Variants in FUT8 observed in about 807,000 individuals in gnomAD.
FUT8 encodes alpha-(1,6)-fucosyltransferase.
In FUT8, 29 loss-of-function variants were observed where a neutral mutation model predicts 71.3. The ratio of observed to expected loss-of-function variants is 0.41; its 90% CI spans 0.30 to 0.55. The LOEUF (loss-of-function observed/expected upper bound fraction) is 0.55. FUT8 is among the 20% of genes least tolerant of loss of function. FUT8 has a pLI of 0.34. For missense variants in FUT8, 544 were observed against 702.1 expected (o/e 0.77, Z 2.55); for synonymous variants, 254 against 239.3 (o/e 1.06, Z -0.57).
In FUT8 at chr14:65,526,873, G is replaced by T. The variant is rs1594738925; in HGVS notation, c.-227-34464G>T. ...CTGGGTTGAAAATTCTTTTCTTTAA[G>T]AATTTTGAATATTGGCCCCCACTCT... On this transcript the variant is annotated intron_variant, in intron 2 of 10. Coordinates refer to ENST00000673929, the MANE Select transcript of FUT8 (RefSeq NM_001371533.1). Among the ~76,000 whole-genome samples, 5 of 152,286 alleles carry T rather than the reference G, an allele frequency of 3.3e-5. No homozygotes were observed. The South Asian group carries it at 1.0e-3, about 32-fold the overall frequency.
chr14:65,394,489 C>T, the FUT8 span, among the ~76,000 whole-genome samples: 11 of 152,268 alleles, frequency 7.2e-5, no homozygotes, highest in South Asian at 1.9e-3. Flanking sequence ...ATTTCAAAAC[C>T]AATCATGCCT....
At chr14:65,480,743 G>C (rs904470989) in intron 2 of FUT8, among the ~76,000 whole-genome samples, 1 of 151,784 alleles carries the variant, frequency 6.6e-6, no homozygotes, top group African/African-American at 2.4e-5. Context: ...CTGGAGCGTA[G>C]TGGTACTATC....
Position 65,640,856 on chromosome 14 carries a change from C to T in FUT8, c.597+11250C>T, listed in dbSNP as rs563011069. ...TATTTTTGTATGAATAAATTAAAAA[C>T]CTAACTTGAATTGACTATAGAAAGG... On this transcript the variant is annotated intron_variant, in intron 6 of 10. Coordinates refer to ENST00000673929, the MANE Select transcript of FUT8 (RefSeq NM_001371533.1). Among the ~76,000 whole-genome samples, 363 of 152,122 alleles carry T rather than the reference C, an allele frequency of 2.4e-3. 1 individual carries two copies. Among genetic ancestry groups the T allele is most frequent in the African/African-American group, 8.1e-3 (338 of 41,516 alleles).
intron 6 of FUT8, among the ~76,000 whole-genome samples, chr14:65,655,154 C>T (rs1891608271): frequency 1.3e-5 from 2 of 151,574 alleles, no homozygotes; most frequent in African/African-American, 2.4e-5. Context: ...GGCAGATACA[C>T]CATGCAAACA....
intron 5 of FUT8, among the ~76,000 whole-genome samples, chr14:65,624,070 T>G (rs1343877471): frequency 1.3e-5 from 2 of 152,236 alleles, no homozygotes; most frequent in Non-Finnish European, 2.9e-5. Flanking sequence ...AAATAAATAC[T>G]GCAGGATGAT....
At chr14:65,485,763 A>G (rs2066399973) in intron 2 of FUT8, among the ~76,000 whole-genome samples, 1 of 152,110 alleles carries the variant, frequency 6.6e-6, no homozygotes, top group Admixed American at 6.5e-5. Flanking sequence ...ATGGACTCTA[A>G]GCTCTTCTGT....
intron 2 of FUT8, among the ~76,000 whole-genome samples, chr14:65,509,700 C>CT (rs1181994153): frequency 1.3e-5 from 2 of 151,936 alleles, no homozygotes; most frequent in Non-Finnish European, 2.9e-5. Context: ...AATGGGACTG[C>CT]TTTTTAAATT....
the FUT8 span, among the ~76,000 whole-genome samples, chr14:65,401,722 AC>A: frequency 1.5e-4 from 23 of 151,894 alleles, no homozygotes; most frequent in South Asian, 4.8e-3. Flanking sequence ...ACATGATGAA[AC>A]CCCATCTCTA....
the FUT8 span, among the ~76,000 whole-genome samples, chr14:65,366,347 G>A: frequency 1.3e-5 from 2 of 152,196 alleles, no homozygotes; most frequent in Non-Finnish European, 1.5e-5. Context: ...CTGAGGAAGT[G>A]AGATTTGAGC....
intron 3 of FUT8, among the ~76,000 whole-genome samples, chr14:65,606,363 C>T (rs949009611): frequency 6.6e-6 from 1 of 151,700 alleles, no homozygotes; most frequent in African/African-American, 2.4e-5. Context: ...AGGCATAAGC[C>T]ACTGTGCCCT....
At chr14:65,536,680 T>G (rs1282982908) in intron 2 of FUT8, among the ~76,000 whole-genome samples, 1 of 152,240 alleles carries the variant, frequency 6.6e-6, no homozygotes, top group East Asian at 1.9e-4. Flanking sequence ...TAGCTGCCTT[T>G]AACATGTTTT....
chr14:65,363,382 A>G, the FUT8 span, among the ~76,000 whole-genome samples: 3 of 151,940 alleles, frequency 2.0e-5, no homozygotes, highest in African/African-American at 7.2e-5. Flanking sequence ...CGGCCTCTCA[A>G]AGTGCTGGGA....
chr14:65,635,343 T>C (rs1320373285), intron 6 of FUT8, among the ~76,000 whole-genome samples: 1 of 152,218 alleles, frequency 6.6e-6, no homozygotes, highest in African/African-American at 2.4e-5. Context: ...TTCTCTTGTC[T>C]GATTGCTCTG....
At position 65,572,367 on chromosome 14, in the gene FUT8, G is replaced by A. The variant is rs145972721; in HGVS notation, c.203+10601G>A. On this transcript the variant is annotated intron_variant, in intron 3 of 10. Coordinates refer to ENST00000673929, the MANE Select transcript of FUT8 (RefSeq NM_001371533.1). ...ATGAACTCATTTAATCCCTATAGCA[G>A]CCCTGTGAGTAAGTACTCACATTAT... Among the ~76,000 whole-genome samples, 173 of 152,252 alleles carry A rather than the reference G, an allele frequency of 1.1e-3. 2 individuals carry two copies. Among genetic ancestry groups the A allele is most frequent in the African/African-American group, 3.9e-3 (161 of 41,548 alleles).
intron 10 of FUT8, among the ~76,000 whole-genome samples, chr14:65,739,137 A>G (rs910651401): frequency 6.6e-6 from 1 of 152,032 alleles, no homozygotes; most frequent in African/African-American, 2.4e-5. Flanking sequence ...GGTTTGTCAT[A>G]ATAGTTAAAT....
At chr14:65,502,937 T>C (rs930641927) in intron 2 of FUT8, among the ~76,000 whole-genome samples, 1 of 152,208 alleles carries the variant, frequency 6.6e-6, no homozygotes, top group African/African-American at 2.4e-5. Flanking sequence ...TACTGGTCCC[T>C]AGACCAGACT....
At chr14:65,628,540 T>C (rs747323109) in intron 5 of FUT8, among the ~76,000 whole-genome samples, 8 of 152,196 alleles carry the variant, frequency 5.3e-5, no homozygotes, top group Non-Finnish European at 1.0e-4. Context: ...AGAAATTAGC[T>C]ATAAATTTGC....
intron 7 of FUT8, among the ~76,000 whole-genome samples, chr14:65,699,240 C>T (rs1246247474): frequency 6.6e-6 from 1 of 151,114 alleles, no homozygotes; most frequent in Non-Finnish European, 1.5e-5. Flanking sequence ...CTGTTCCTAA[C>T]CCTGGGAAAC....
chr14:65,616,517 C>A, intron 5 of FUT8, 144 bp downstream of exon 5: 1 of 621,864 alleles, frequency 1.6e-6, no homozygotes, highest in Non-Finnish European at 2.5e-6. Flanking sequence ...CCTGAGGTCC[C>A]AAAGGATGGT....
Sources: allele counts gnomAD v4.1 joint callset (sites outside exome capture counted in the v4.1 genomes callset), GRCh38; gene constraint gnomAD v4.1.1; transcripts MANE v1.5; gene names NCBI Gene and HGNC (gene_info 2026-07-23, HGNC 2026-07-21).